Variants in CAAP1 observed in about 807,000 individuals in gnomAD.
The protein encoded by CAAP1 is caspase activity and apoptosis inhibitor 1, also known as conserved anti-apoptotic protein.
CAAP1 carries 20 observed loss-of-function variants against 34.0 expected under a neutral mutation model. The observed-to-expected ratio is 0.59, with a 90% CI of 0.41 to 0.86. CAAP1 has a LOEUF of 0.86. Among genes scored for constraint, CAAP1 ranks in the 40% least tolerant of loss-of-function variants. CAAP1 has a pLI of 0.00. For missense variants in CAAP1, 538 were observed against 450.5 expected, an observed-to-expected ratio of 1.19 and a Z score of -1.76; for synonymous variants, 213 against 166.7, an observed-to-expected ratio of 1.28 and a Z score of -2.14.
intron 4 of CAAP1, among the ~76,000 whole-genome samples, chr9:26,876,451 A>G (rs1823431008): frequency 7.0e-6 from 1 of 143,182 alleles, no homozygotes; most frequent in Non-Finnish European, 1.5e-5. Flanking sequence ...TCATTATTCT[A>G]TCATATATGC....
intron 4 of CAAP1, among the ~76,000 whole-genome samples, chr9:26,868,053 T>C (rs1823179127): frequency 6.6e-6 from 1 of 152,212 alleles, no homozygotes. Context: ...AATTTATCTA[T>C]CTACTATTTA....
chr9:26,849,003 C>T (rs1822681607), intron 5 of CAAP1, among the ~76,000 whole-genome samples: 1 of 152,096 alleles, frequency 6.6e-6, no homozygotes. Flanking sequence ...GACACTAAGC[C>T]TAGATGGATT....
chr9:26,868,544 G>C (rs576090478), intron 4 of CAAP1, among the ~76,000 whole-genome samples: 25 of 152,254 alleles, frequency 1.6e-4, no homozygotes, highest in African/African-American at 5.5e-4. Context: ...CTGACCTCCA[G>C]AACTATAAGA....
intron 5 of CAAP1, among the ~76,000 whole-genome samples, chr9:26,848,450 A>G (rs1396478764): frequency 6.6e-6 from 1 of 152,176 alleles, no homozygotes; most frequent in Non-Finnish European, 1.5e-5. Flanking sequence ...CGGGAGGCGG[A>G]GCTTGCAGTG....
Position 26,892,635 on chromosome 9 carries a change from G to T in CAAP1, c.81C>A (p.Asp27Glu), listed in dbSNP as rs765472896. The stretch of plus-strand genomic sequence containing the variant: ...TGCCGCTGGCCAACGCGGGTACGAT[G>T]TCCGGGGCCGCGAGCGCTGCGGCCG... ...QEAAAALAAP[D>E]IVPALASGSS... Residue 27 changes from aspartate to glutamate, a missense_variant, in exon 1 of 6, where the codon GAC (aspartate) becomes GAA (glutamate). Asp to Glu is a conservative substitution (Grantham distance 45). Coordinates refer to ENST00000333916, the MANE Select transcript of CAAP1 (RefSeq NM_024828.4). 1.2e-6 allele frequency: 2 copies of T among 1,608,686 alleles called. No individual in the cohort carries two copies. Among genetic ancestry groups the T allele is most frequent in the East Asian group, 2.2e-5 (1 of 44,846 alleles).
At chr9:26,890,896 G>C (rs1307653321) in intron 1 of CAAP1, among the ~76,000 whole-genome samples, 6 of 152,008 alleles carry the variant, frequency 3.9e-5, no homozygotes, top group Non-Finnish European at 7.4e-5. Flanking sequence ...AGTGAGCCGG[G>C]ATCACGCCAC....
chr9:26,860,984 T>C (rs2131309968), intron 5 of CAAP1, 82 bp downstream of exon 5: 1 of 976,938 alleles, frequency 1.0e-6, no homozygotes, highest in East Asian at 2.4e-5. Context: ...TGGGGTGAGT[T>C]AGACACTGAA....
chr9:26,861,091 T>C lies in CAAP1; in HGVS notation c.714A>G (p.Gln238=). 6.2e-7 allele frequency: 1 copy of C among 1,611,932 alleles called. No homozygotes were observed. The highest frequency in any genetic ancestry group is 1.7e-4 in the Middle Eastern group (1 of 6,040). Residue 238 remains glutamine, a synonymous_variant, in exon 5 of 6, where the codon CAA becomes CAG. Coordinates refer to ENST00000333916, the MANE Select transcript of CAAP1 (RefSeq NM_024828.4). ...DSASSVRENK[Q]PEGLELKQGK... ...CTTGTTTTAATTCCAAACCTTCAGGTTGCTTATTCTCTCTCACGGATGAAG... is the reference window on the plus strand; with the variant it reads ...CTTGTTTTAATTCCAAACCTTCAGGCTGCTTATTCTCTCTCACGGATGAAG...
chr9:26,852,688 A>ATT (rs1822780643), intron 5 of CAAP1, among the ~76,000 whole-genome samples: 1 of 152,180 alleles, frequency 6.6e-6, no homozygotes, highest in Non-Finnish European at 1.5e-5. Flanking sequence ...CATGTGATAG[A>ATT]TCAACACAGT....
intron 4 of CAAP1, among the ~76,000 whole-genome samples, chr9:26,875,712 C>G (rs1274495787): frequency 6.6e-6 from 1 of 151,902 alleles, no homozygotes; most frequent in Non-Finnish European, 1.5e-5. Flanking sequence ...AGGTAGTGCA[C>G]TGAAATACAA....
intron 4 of CAAP1, among the ~76,000 whole-genome samples, chr9:26,877,830 A>C (rs1044718189): frequency 6.6e-6 from 1 of 151,876 alleles, no homozygotes; most frequent in African/African-American, 2.4e-5. Context: ...TTTATTACAT[A>C]TATTTCCTAT....
intron 1 of CAAP1, among the ~76,000 whole-genome samples, chr9:26,887,940 T>TA (rs1823792293): frequency 6.6e-6 from 1 of 152,210 alleles, no homozygotes; most frequent in Admixed American, 6.5e-5. Flanking sequence ...GTAACATACG[T>TA]ACCAGGAGCT....
chr9:26,891,230 G>C (rs1277407984), intron 1 of CAAP1, among the ~76,000 whole-genome samples: 1 of 152,050 alleles, frequency 6.6e-6, no homozygotes, highest in Non-Finnish European at 1.5e-5. Context: ...TACATAAGAA[G>C]AAATCAAATG....
chr9:26,859,099 T>C (rs1424263526), intron 5 of CAAP1, among the ~76,000 whole-genome samples: 1 of 152,166 alleles, frequency 6.6e-6, no homozygotes, highest in Non-Finnish European at 1.5e-5. Flanking sequence ...ACTGCTACAC[T>C]TTGATCTTAT....
intron 5 of CAAP1, among the ~76,000 whole-genome samples, chr9:26,856,481 C>T (rs747454111): frequency 6.6e-6 from 1 of 152,200 alleles, no homozygotes; most frequent in Non-Finnish European, 1.5e-5. Context: ...ATTAACCATT[C>T]TTCCTAAGTA....
intron 4 of CAAP1, among the ~76,000 whole-genome samples, chr9:26,871,812 G>A (rs1165540725): frequency 1.3e-5 from 2 of 151,426 alleles, no homozygotes; most frequent in African/African-American, 4.9e-5. Flanking sequence ...TACTTAGGAG[G>A]CTGAGGCAGA....
Position 26,842,202 on chromosome 9 carries a change from T to C in CAAP1, c.*99A>G. 1 of 948,668 alleles carries C rather than the reference T, an allele frequency of 1.1e-6. No homozygotes were observed. 58.8% of individuals were successfully genotyped at this position (948,668 alleles called of 1,614,324 possible). ...AAAATGAGTCCTAATAAGGGTTACATGAGAAATAACATATAAGACCCCAAA... is the reference window on the plus strand; with the variant it reads ...AAAATGAGTCCTAATAAGGGTTACACGAGAAATAACATATAAGACCCCAAA... On this transcript the variant is annotated 3_prime_UTR_variant, in exon 6 of 6. Transcript: ENST00000333916.
intron 5 of CAAP1, among the ~76,000 whole-genome samples, chr9:26,852,772 G>T (rs139655324): frequency 2.6e-5 from 4 of 151,912 alleles, no homozygotes; most frequent in Admixed American, 2.6e-4. Context: ...TGAAATTCTA[G>T]GTTTATTAGA....
At chr9:26,846,975 C>T (rs1187930867) in intron 5 of CAAP1, among the ~76,000 whole-genome samples, 2 of 152,084 alleles carry the variant, frequency 1.3e-5, no homozygotes, top group African/African-American at 4.8e-5. Context: ...ACATGAGCCA[C>T]TGCGCCCGGC....
Sources: gnomAD v4.1 joint callset for allele counts (sites outside exome capture counted in the v4.1 genomes callset) on GRCh38, gnomAD v4.1.1 for gene constraint, MANE v1.5 for transcripts, NCBI Gene and HGNC (gene_info 2026-07-23, HGNC 2026-07-21) for gene names.